RGS6: variants seen among roughly 807,000 people sequenced by gnomAD.
RGS6 encodes the protein regulator of G-protein signaling 6.
Under a neutral mutation model 78.5 loss-of-function variants are expected in RGS6, and 30 were observed. That is an observed-to-expected ratio of 0.38 (90% CI 0.29 to 0.52). RGS6 has a LOEUF of 0.52. Among genes scored for constraint, RGS6 ranks in the 20% least tolerant of loss-of-function variants. The probability of loss-of-function intolerance (pLI) is 0.85; values close to 1 mark genes in which losing one functional copy is unlikely to be tolerated. For missense variants in RGS6, 495 were observed against 609.7 expected (o/e 0.81, Z 1.98); for synonymous variants, 206 against 206.0 (o/e 1.00, Z 0.00).
intron 2 of RGS6, among the ~76,000 whole-genome samples, chr14:72,153,814 A>G (rs899881242): frequency 6.6e-6 from 1 of 152,182 alleles, no homozygotes; most frequent in Non-Finnish European, 1.5e-5. Flanking sequence ...CAAAGGGCAA[A>G]AGGCAGAACT....
intron 13 of RGS6, among the ~76,000 whole-genome samples, chr14:72,499,203 T>TG (rs570448382): frequency 1.0e-3 from 159 of 152,298 alleles, no homozygotes; most frequent in African/African-American, 3.7e-3. Flanking sequence ...CAATGAGAGG[T>TG]GGGGAGAAAG....
chr14:72,105,330 G>A (rs2095612114), intron 2 of RGS6, among the ~76,000 whole-genome samples: 1 of 152,084 alleles, frequency 6.6e-6, no homozygotes, highest in African/African-American at 2.4e-5. Flanking sequence ...ATTTTGCCTG[G>A]TCTTACAGTT....
At chr14:72,510,127 T>C (rs760129390) in intron 13 of RGS6, 27 bp from the exon 14 acceptor site, 20 of 1,571,096 alleles carry the variant, frequency 1.3e-5, no homozygotes, top group South Asian at 6.1e-5. Flanking sequence ...ATTGATCTTC[T>C]TTAAACCTTC....
intron 2 of RGS6, among the ~76,000 whole-genome samples, chr14:72,131,717 T>G (rs1356138134): frequency 6.6e-6 from 1 of 152,222 alleles, no homozygotes; most frequent in African/African-American, 2.4e-5. Context: ...TTTTGGTGAA[T>G]TAAATTGGGA....
chr14:72,399,766 A>G (rs2092107183), intron 3 of RGS6, among the ~76,000 whole-genome samples: 1 of 152,216 alleles, frequency 6.6e-6, no homozygotes, highest in African/African-American at 2.4e-5. Flanking sequence ...TCTGTAAAGT[A>G]TTTTATTTCT....
chr14:72,416,638 C>T (rs910081259), intron 3 of RGS6, among the ~76,000 whole-genome samples: 1 of 152,166 alleles, frequency 6.6e-6, no homozygotes, highest in Non-Finnish European at 1.5e-5. Flanking sequence ...AGACACCTGA[C>T]CTTAGGCTGT....
At chr14:72,284,780 A>G (rs2062208429) in intron 2 of RGS6, among the ~76,000 whole-genome samples, 1 of 152,140 alleles carries the variant, frequency 6.6e-6, no homozygotes, top group South Asian at 2.1e-4. Context: ...TGGAAAAGCC[A>G]CAAACACTCA....
At chr14:71,956,553 C>T (rs1278979875) in intron 1 of RGS6, among the ~76,000 whole-genome samples, 1 of 152,038 alleles carries the variant, frequency 6.6e-6, no homozygotes, top group African/African-American at 2.4e-5. Context: ...GGGCAGGAAG[C>T]ATCCAGCAAG....
At chr14:72,053,038 TCCC>T (rs1439713254) in intron 2 of RGS6, among the ~76,000 whole-genome samples, 2 of 4,388 alleles carry the variant, frequency 4.6e-4, no homozygotes. Flanking sequence ...TCCCCCTCCC[TCCC>T]TCCCTCCCTC....
intron 12 of RGS6, among the ~76,000 whole-genome samples, chr14:72,486,485 A>G (rs1363778591): frequency 6.6e-6 from 1 of 152,086 alleles, no homozygotes; most frequent in Non-Finnish European, 1.5e-5. Flanking sequence ...AGAAACCCAT[A>G]GAGGCCCTCT....
chr14:72,447,609 A>G (rs780738871), intron 3 of RGS6, among the ~76,000 whole-genome samples: 2 of 152,160 alleles, frequency 1.3e-5, no homozygotes, highest in African/African-American at 2.4e-5. Flanking sequence ...TGAGTAGCCA[A>G]TGTGTATTAA....
At position 72,295,286 on chromosome 14, in the gene RGS6, G is replaced by A. The variant is rs562614687; in HGVS notation, c.85-56809G>A. ...AGCCTGGGCGACAGAGCGAGACTCC[G>A]TCTCAAAAAAAAAAAAAAAAGAACC... On this transcript the variant is annotated intron_variant, in intron 2 of 17. Coordinates refer to ENST00000553525, the MANE Select transcript of RGS6 (RefSeq NM_001204424.2). 1.3e-4 allele frequency among the ~76,000 whole-genome samples: 18 copies of A among 137,234 alleles called. 1 individual carries two copies. The South Asian group carries it at 2.7e-3, about 21-fold the overall frequency. 90.0% of individuals were successfully genotyped at this position (137,234 alleles called of 152,430 possible). A position where few individuals can be genotyped will look rare whatever the true frequency, so the allele number is the denominator to read the frequency against.
At chr14:72,303,455 T>C (rs535829391) in intron 2 of RGS6, among the ~76,000 whole-genome samples, 2 of 152,284 alleles carry the variant, frequency 1.3e-5, no homozygotes, top group South Asian at 4.1e-4. Context: ...GAGCTGAGAT[T>C]GTGCCATTGC....
At chr14:72,390,391 C>A (rs1362280668) in intron 3 of RGS6, among the ~76,000 whole-genome samples, 2 of 152,046 alleles carry the variant, frequency 1.3e-5, no homozygotes, top group Non-Finnish European at 2.9e-5. Flanking sequence ...AGCCACTGCA[C>A]CCGGCCGGGA....
At chr14:72,034,600 T>C (rs1178239288) in intron 2 of RGS6, among the ~76,000 whole-genome samples, 1 of 152,146 alleles carries the variant, frequency 6.6e-6, no homozygotes, top group Non-Finnish European at 1.5e-5. Context: ...TTTGCATCAG[T>C]ATTTATCAGG....
chr14:72,604,722 C>A, the RGS6 span, among the ~76,000 whole-genome samples: 16 of 152,284 alleles, frequency 1.1e-4, no homozygotes, highest in African/African-American at 3.6e-4. Flanking sequence ...TAGCTCCTCC[C>A]AGCCCCCAGG....
chr14:72,018,177 G>T (rs1303424506), intron 2 of RGS6, among the ~76,000 whole-genome samples: 2 of 119,208 alleles, frequency 1.7e-5, no homozygotes, highest in Non-Finnish European at 3.4e-5. Context: ...TCTTAGATTT[G>T]TAGGAAGTCT....
intron 2 of RGS6, among the ~76,000 whole-genome samples, chr14:72,220,838 A>G (rs888200921): frequency 6.6e-6 from 1 of 152,206 alleles, no homozygotes; most frequent in Non-Finnish European, 1.5e-5. Flanking sequence ...TACAGGCTGC[A>G]TTGAAAGATT....
chr14:72,296,803 A>G (rs1240144821), intron 2 of RGS6, among the ~76,000 whole-genome samples: 2 of 151,978 alleles, frequency 1.3e-5, no homozygotes, highest in Non-Finnish European at 2.9e-5. Context: ...ATTTATGGAT[A>G]TTTTTCTCTT....
Sources: allele counts gnomAD v4.1 joint callset (sites outside exome capture counted in the v4.1 genomes callset), GRCh38; gene constraint gnomAD v4.1.1; transcripts MANE v1.5; gene names NCBI Gene and HGNC (gene_info 2026-07-23, HGNC 2026-07-21).